Variants in DOCK2 observed in about 807,000 individuals in gnomAD.
DOCK2 encodes the protein dedicator of cytokinesis protein 2.
In DOCK2, 87 loss-of-function variants were observed where a neutral mutation model predicts 248.9. The ratio of observed to expected loss-of-function variants is 0.35; its 90% confidence interval spans 0.29 to 0.42. The LOEUF is 0.42. Ranked by LOEUF, DOCK2 falls within the 10% of genes least tolerant of loss-of-function variation. The probability of loss-of-function intolerance (pLI) is 1.00; values close to 1 mark genes in which losing one functional copy is unlikely to be tolerated. For missense variants in DOCK2, 1,747 were observed against 2,300.2 expected (o/e 0.76, Z 4.92); for synonymous variants, 805 against 821.6 (o/e 0.98, Z 0.35).
In DOCK2 at chr5:170,075,960, G is replaced by C. The variant is rs1479041358; in HGVS notation, c.4742G>C (p.Gly1581Ala). ...CTTTCTCTCCAGATCCCCTTCTTGGGAGCTGGGATTAAGATCCATGAGAAA... is the reference window on the plus strand; with the variant it reads ...CTTTCTCTCCAGATCCCCTTCTTGGCAGCTGGGATTAAGATCCATGAGAAA... ...DLIAWQIPFLGAGIKIHEKRV... is the reference protein window; with the variant it reads ...DLIAWQIPFLAAGIKIHEKRV... The change falls in exon 47 of 52, where the codon GGA (glycine) becomes GCA (alanine). Residue 1581 changes from glycine to alanine, a missense_variant. Physicochemically the swap from Gly to Ala is moderately conservative, Grantham distance 60. Transcript: ENST00000520908. 1.9e-6 allele frequency: 3 copies of C among 1,614,116 alleles called. No individual in the cohort carries two copies. The highest frequency in any genetic ancestry group is 2.2e-5 in the South Asian group (2 of 91,076).
At chr5:170,049,707 A>G (rs534396485) in intron 40 of DOCK2, among the ~76,000 whole-genome samples, 1 of 152,276 alleles carries the variant, frequency 6.6e-6, no homozygotes, top group African/African-American at 2.4e-5. Flanking sequence ...CCCAGTTGTG[A>G]CAACCAAAAA....
chr5:169,960,615 A>T (rs1453520905), intron 27 of DOCK2, among the ~76,000 whole-genome samples: 6 of 152,156 alleles, frequency 3.9e-5, no homozygotes, highest in Non-Finnish European at 8.8e-5. Flanking sequence ...CAGCCATTTG[A>T]CTCAATATTC....
chr5:169,895,654 C>T (rs547312318), intron 27 of DOCK2, among the ~76,000 whole-genome samples: 3 of 152,140 alleles, frequency 2.0e-5, no homozygotes, highest in South Asian at 4.2e-4. Flanking sequence ...CCACAGCCCC[C>T]GAGAGCAGGG....
intron 23 of DOCK2, among the ~76,000 whole-genome samples, chr5:169,755,409 A>G (rs1042955077): frequency 1.3e-5 from 2 of 152,218 alleles, no homozygotes; most frequent in Admixed American, 6.5e-5. Context: ...ATAATGATAC[A>G]ATATTATTTT....
chr5:169,808,416 G>T (rs1206907430), intron 26 of DOCK2, among the ~76,000 whole-genome samples: 2 of 151,878 alleles, frequency 1.3e-5, no homozygotes, highest in Non-Finnish European at 2.9e-5. Flanking sequence ...GAAACCCTGG[G>T]TGTCATGGTA....
intron 29 of DOCK2, among the ~76,000 whole-genome samples, chr5:169,990,719 A>G (rs1470826496): frequency 2.0e-5 from 3 of 152,222 alleles, no homozygotes; most frequent in African/African-American, 4.8e-5. Context: ...AGTTCTAACC[A>G]GTAGAATCAA....
At chr5:170,071,905 T>C (rs963399198) in intron 46 of DOCK2, among the ~76,000 whole-genome samples, 1 of 152,230 alleles carries the variant, frequency 6.6e-6, no homozygotes, top group African/African-American at 2.4e-5. Flanking sequence ...AATGTTATGT[T>C]TGTGAAAGTC....
chr5:169,675,082 A>G (rs1198558021), intron 6 of DOCK2, among the ~76,000 whole-genome samples: 1 of 152,218 alleles, frequency 6.6e-6, no homozygotes, highest in Non-Finnish European at 1.5e-5. Flanking sequence ...TAATAACTCT[A>G]TGGAGTATGC....
intron 1 of DOCK2, among the ~76,000 whole-genome samples, chr5:169,650,696 A>G (rs1757754685): frequency 1.3e-5 from 2 of 152,224 alleles, no homozygotes; most frequent in Admixed American, 1.3e-4. Context: ...TGCTGGAGTC[A>G]GTGACCCAAG....
intron 27 of DOCK2, among the ~76,000 whole-genome samples, chr5:169,963,321 C>T (rs527316650): frequency 6.6e-6 from 1 of 152,182 alleles, no homozygotes; most frequent in East Asian, 1.9e-4. Flanking sequence ...GCAGCCCTGA[C>T]CTGACTTGGC....
At chr5:170,000,198 CCCT>C (rs2113801870) in intron 30 of DOCK2, 1 of 152,298 alleles carries the variant, frequency 6.6e-6, no homozygotes. Context: ...AAGAACACTG[CCCT>C]ACCCTCAAGG....
chr5:169,757,132 G>T (rs1247553895), intron 23 of DOCK2, among the ~76,000 whole-genome samples: 1 of 152,080 alleles, frequency 6.6e-6, no homozygotes, highest in Admixed American at 6.6e-5. Context: ...TCTTTAGGGA[G>T]AGAATGGAAT....
At chr5:169,902,036 G>A (rs1028118653) in intron 27 of DOCK2, among the ~76,000 whole-genome samples, 1 of 152,086 alleles carries the variant, frequency 6.6e-6, no homozygotes, top group Non-Finnish European at 1.5e-5. Context: ...TCAGTCAAAC[G>A]GTTTGTTTCT....
rs183608972 is a variant in DOCK2, at chr5:169,955,035, G to C, written c.2800-28033G>C. 2.3e-3 allele frequency among the ~76,000 whole-genome samples: 356 copies of C among 152,342 alleles called. 1 individual carries two copies. The highest frequency in any genetic ancestry group is 8.1e-3 in the African/African-American group (338 of 41,572). On this transcript the variant is annotated intron_variant, in intron 27 of 51. Coordinates refer to ENST00000520908, the MANE Select transcript of DOCK2 (RefSeq NM_004946.3). ...TCAAGGGATTGGAAGAGCAGTCACA[G>C]GTCTCCACCAGCCAAGAGCAAACCT...
chr5:169,761,741 C>A, intron 25 of DOCK2, 116 bp downstream of exon 25: 1 of 730,692 alleles, frequency 1.4e-6, no homozygotes, highest in Non-Finnish European at 2.2e-6. Flanking sequence ...TCTCTTTTCT[C>A]ACAACTCCCT....
intron 23 of DOCK2, among the ~76,000 whole-genome samples, chr5:169,748,186 A>G (rs1043101768): frequency 1.3e-5 from 2 of 150,098 alleles, no homozygotes; most frequent in African/African-American, 5.0e-5. Context: ...TTTTAAATCA[A>G]TATTATTCTT....
chr5:169,697,166 A>T (rs966312467), intron 10 of DOCK2, among the ~76,000 whole-genome samples: 2 of 152,194 alleles, frequency 1.3e-5, no homozygotes, highest in Admixed American at 6.5e-5. Flanking sequence ...GGTGTAACTG[A>T]AGAGCTTATG....
At position 170,034,660 on chromosome 5, in the gene DOCK2, G is replaced by A. The variant is rs932350643; in HGVS notation, c.3624+105G>A. ...CTTCATAGGGAAGCAGTGCTTAAGG[G>A]CTTTGGAAAGCAGACAAATGTGGAA... On this transcript the variant is annotated intron_variant, in intron 35 of 51. Transcript: ENST00000520908. 5 of 1,442,550 alleles carry A rather than the reference G, an allele frequency of 3.5e-6. No individual in the cohort carries two copies. In the African/African-American group the frequency reaches 7.1e-5, roughly 21 times the overall value. 89.4% of individuals were successfully genotyped at this position (1,442,550 alleles called of 1,614,324 possible). A position where few individuals can be genotyped will look rare whatever the true frequency, so the allele number is the denominator to read the frequency against.
chr5:169,742,330 T>C (rs767046350), intron 22 of DOCK2, among the ~76,000 whole-genome samples: 125 of 152,236 alleles, frequency 8.2e-4, no homozygotes, highest in Non-Finnish European at 2.6e-4. Context: ...TGTGCATTGT[T>C]TGATTTTCGA....
Sources: gnomAD v4.1 joint callset for allele counts (sites outside exome capture counted in the v4.1 genomes callset) on GRCh38, gnomAD v4.1.1 for gene constraint, MANE v1.5 for transcripts, NCBI Gene and HGNC (gene_info 2026-07-23, HGNC 2026-07-21) for gene names.